Variants in ULK4 observed in about 807,000 individuals in gnomAD.
ULK4 encodes the protein inactive serine/threonine-protein kinase ULK4.
In ULK4, 133 loss-of-function variants were observed where a neutral mutation model predicts 160.6. The observed-to-expected ratio is 0.83, with a 90% confidence interval of 0.72 to 0.96. The LOEUF (loss-of-function observed/expected upper bound fraction) is 0.96. ULK4 is among the 40% of genes least tolerant of loss of function. The pLI, the probability that ULK4 is intolerant of heterozygous loss-of-function variation, is 0.00. For missense variants in ULK4, 1,580 were observed against 1,499.5 expected, an observed-to-expected ratio of 1.05 and a Z score of -0.89; for synonymous variants, 534 against 539.8, an observed-to-expected ratio of 0.99 and a Z score of 0.15.
intron 32 of ULK4, among the ~76,000 whole-genome samples, chr3:41,499,924 A>G (rs781605033): frequency 5.3e-5 from 8 of 152,160 alleles, no homozygotes; most frequent in Non-Finnish European, 1.0e-4. Flanking sequence ...TGGTTAAGCT[A>G]TATTTTTCTG....
intron 35 of ULK4, among the ~76,000 whole-genome samples, chr3:41,325,017 T>G (rs989943042): frequency 3.9e-5 from 6 of 152,154 alleles, no homozygotes; most frequent in African/African-American, 1.4e-4. Context: ...TGAGATCATC[T>G]ACACCAGCAG....
intron 34 of ULK4, among the ~76,000 whole-genome samples, chr3:41,429,310 ATTAG>A (rs1270026942): frequency 6.6e-6 from 1 of 152,216 alleles, no homozygotes; most frequent in Non-Finnish European, 1.5e-5. Context: ...GGGAGTGTAA[ATTAG>A]TTCAACCATT....
intron 17 of ULK4, among the ~76,000 whole-genome samples, chr3:41,845,499 T>C (rs1457965538): frequency 6.6e-6 from 1 of 152,100 alleles, no homozygotes; most frequent in Non-Finnish European, 1.5e-5. Context: ...GGAAAACAGA[T>C]TGGCTTCGGG....
chr3:41,430,100 T>C (rs1460633815), intron 34 of ULK4, among the ~76,000 whole-genome samples: 1 of 152,156 alleles, frequency 6.6e-6, no homozygotes, highest in African/African-American at 2.4e-5. Context: ...AAATAGGAGA[T>C]AACACATTTA....
intron 31 of ULK4, among the ~76,000 whole-genome samples, chr3:41,590,544 G>A (rs1206632953): frequency 1.3e-5 from 2 of 151,268 alleles, no homozygotes; most frequent in African/African-American, 4.9e-5. Context: ...GCTGAGACAG[G>A]AGAATTGTTC....
At chr3:41,616,904 G>C (rs551458914) in intron 30 of ULK4, among the ~76,000 whole-genome samples, 4 of 152,188 alleles carry the variant, frequency 2.6e-5, no homozygotes, top group Non-Finnish European at 4.4e-5. Context: ...CTCACTGCCA[G>C]CACAGCAGTC....
intron 32 of ULK4, among the ~76,000 whole-genome samples, chr3:41,544,312 G>T (rs1390719449): frequency 6.6e-6 from 1 of 152,204 alleles, no homozygotes; most frequent in Admixed American, 6.5e-5. Context: ...CTAACAACTG[G>T]CCAGACATTT....
intron 35 of ULK4, among the ~76,000 whole-genome samples, chr3:41,294,266 C>T (rs1479771188): frequency 6.6e-6 from 1 of 152,162 alleles, no homozygotes; most frequent in African/African-American, 2.4e-5. Context: ...ACATTCCTCC[C>T]CTCTGGAGGA....
At chr3:41,440,294 G>A (rs4973949) in intron 34 of ULK4, among the ~76,000 whole-genome samples, 80,501 of 151,812 alleles carry the variant, frequency 0.53, 21,744 homozygotes, top group East Asian at 0.69. Flanking sequence ...GGTAGAAAGC[G>A]TTAAGGCTTC....
intron 18 of ULK4, among the ~76,000 whole-genome samples, chr3:41,827,460 A>T (rs189719228): frequency 4.5e-4 from 68 of 152,272 alleles, no homozygotes; most frequent in African/African-American, 1.6e-3. Context: ...AAAATGACAA[A>T]GGGGATATCA....
chr3:41,847,967 A>C (rs2042112702), intron 17 of ULK4, among the ~76,000 whole-genome samples: 1 of 152,204 alleles, frequency 6.6e-6, no homozygotes, highest in South Asian at 2.1e-4. Flanking sequence ...TTCTGTAATT[A>C]ATAACTCTGA....
At chr3:41,336,350 G>A (rs1226436639) in intron 35 of ULK4, among the ~76,000 whole-genome samples, 5 of 152,210 alleles carry the variant, frequency 3.3e-5, no homozygotes, top group Non-Finnish European at 7.3e-5. Flanking sequence ...ATCTGAAAAT[G>A]ATGGAGGGAG....
intron 35 of ULK4, among the ~76,000 whole-genome samples, chr3:41,338,858 A>G (rs1003232209): frequency 4.6e-5 from 7 of 151,926 alleles, no homozygotes; most frequent in Admixed American, 4.6e-4. Flanking sequence ...AGGGCAGAAG[A>G]TCAAGGGCAG....
At chr3:41,573,984 C>G (rs1304632116) in intron 31 of ULK4, among the ~76,000 whole-genome samples, 3 of 152,292 alleles carry the variant, frequency 2.0e-5, no homozygotes. Context: ...GGCAGCTTAA[C>G]CCAGCCTGAC....
At chr3:41,563,800 A>G (rs187600099) in intron 32 of ULK4, among the ~76,000 whole-genome samples, 11 of 152,298 alleles carry the variant, frequency 7.2e-5, no homozygotes, top group African/African-American at 2.6e-4. Flanking sequence ...GAGATGGGTT[A>G]GAACATGCTC....
intron 11 of ULK4, among the ~76,000 whole-genome samples, chr3:41,909,092 CAAAAAA>C: frequency 9.4e-6 from 1 of 106,330 alleles, no homozygotes; most frequent in South Asian, 3.5e-4. Flanking sequence ...CACTCCATCT[CAAAAAA>C]AAAAAAAAAA....
At chr3:41,566,515 A>G (rs949568797) in intron 31 of ULK4, among the ~76,000 whole-genome samples, 1 of 152,246 alleles carries the variant, frequency 6.6e-6, no homozygotes, top group Non-Finnish European at 1.5e-5. Flanking sequence ...TGCAGTTTCA[A>G]TATTATGCTG....
chr3:41,396,809 A>C (rs563214357), intron 35 of ULK4, among the ~76,000 whole-genome samples: 9 of 152,282 alleles, frequency 5.9e-5, no homozygotes, highest in African/African-American at 1.7e-4. Context: ...GAACTAGACC[A>C]TCATAATCCT....
chr3:41,448,176 A>C (rs1215864552), intron 34 of ULK4, among the ~76,000 whole-genome samples: 1 of 152,168 alleles, frequency 6.6e-6, no homozygotes, highest in African/African-American at 2.4e-5. Flanking sequence ...GGAGGGACAG[A>C]GACATAAACA....
Sources: allele counts gnomAD v4.1 joint callset (sites outside exome capture counted in the v4.1 genomes callset), GRCh38; gene constraint gnomAD v4.1.1; transcripts MANE v1.5; gene names NCBI Gene and HGNC (gene_info 2026-07-23, HGNC 2026-07-21).